Variants in ARHGEF3 observed in about 807,000 individuals in gnomAD.
The protein encoded by ARHGEF3 is Rho guanine nucleotide exchange factor 3.
A neutral mutation model predicts 63.2 loss-of-function variants in ARHGEF3; 28 were observed. That is an observed-to-expected ratio of 0.44 (90% CI 0.33 to 0.61). The LOEUF is 0.61. Among genes scored for constraint, ARHGEF3 ranks in the 20% least tolerant of loss-of-function variants. ARHGEF3 has a pLI of 0.03. For synonymous variants in ARHGEF3, 266 were observed against 254.2 expected, an observed-to-expected ratio of 1.05 and a Z score of -0.44; for missense variants, 533 against 659.3, an observed-to-expected ratio of 0.81 and a Z score of 2.10.
In ARHGEF3 at chr3:56,755,150, C is replaced by T. The variant is rs1209881180; in HGVS notation, c.206G>A (p.Arg69His). 5 of 1,612,574 alleles carry T rather than the reference C, an allele frequency of 3.1e-6. No individual in the cohort carries two copies. The highest frequency in any genetic ancestry group is 4.2e-6 in the Non-Finnish European group (5 of 1,179,860). Reference sequence around the variant, plus strand: ...GCTCTCACTGCGGAAGCTAATGGAGCGCTAAACAATGAGAAAAACAAACCA... The same window carrying T: ...GCTCTCACTGCGGAAGCTAATGGAGTGCTAAACAATGAGAAAAACAAACCA... ...PLKRFSQTLQ[R>H]SISFRSESRP... Residue 69 changes from arginine (R) to histidine (H), a missense_variant and splice_region_variant, in exon 3 of 10, where the codon CGC (arginine) becomes CAC (histidine). By Grantham distance (29) the Arg-to-His change is conservative. Around this residue, in one of 4 missense-constraint regions of ARHGEF3, gnomAD observed 160 missense variants for 157.3 expected, o/e 1.02. Coordinates refer to ENST00000296315, the MANE Select transcript of ARHGEF3 (RefSeq NM_019555.3).
chr3:56,853,922 G>A (rs2039769971), intron 4 of ARHGEF3, among the ~76,000 whole-genome samples: 1 of 152,174 alleles, frequency 6.6e-6, no homozygotes, highest in South Asian at 2.1e-4. Flanking sequence ...TTGGCCAGGC[G>A]TAGTGGCTCA....
In ARHGEF3 at chr3:56,886,491, T is replaced by C. The variant is rs150647862; in HGVS notation, c.130-4137A>G. 8.3e-4 allele frequency among the ~76,000 whole-genome samples: 126 copies of C among 152,276 alleles called. 2 individuals are homozygous for C. The highest frequency in any genetic ancestry group is 3.1e-3 in the South Asian group (15 of 4,818). On this transcript the variant is annotated intron_variant, in intron 3 of 12. Coordinates refer to the ARHGEF3 transcript ENST00000338458. ...CTGGGATTTCTAGAATATTGGGGTG[T>C]TGACCTCATGCCAGTGATCTACAGA...
chr3:56,944,867 C>T (rs748207461), intron 3 of ARHGEF3, among the ~76,000 whole-genome samples: 25 of 152,064 alleles, frequency 1.6e-4, no homozygotes, highest in Non-Finnish European at 2.8e-4. Context: ...ATGTGAGCCA[C>T]CGCACTCAGC....
chr3:56,767,653 C>T (rs1361938140), intron 2 of ARHGEF3, among the ~76,000 whole-genome samples: 1 of 150,668 alleles, frequency 6.6e-6, no homozygotes, highest in Non-Finnish European at 1.5e-5. Context: ...GAGTATGTAC[C>T]AAAATATTAA....
chr3:57,073,755 A>G, intron 1 of ARHGEF3: 1 of 1,614,214 alleles, frequency 6.2e-7, no homozygotes, highest in East Asian at 2.2e-5. Flanking sequence ...CACCTGGGAA[A>G]TGAAGGCACT....
At chr3:56,986,700 G>A (rs1701553104) in intron 2 of ARHGEF3, among the ~76,000 whole-genome samples, 1 of 152,038 alleles carries the variant, frequency 6.6e-6, no homozygotes, top group South Asian at 2.1e-4. Context: ...CCAGATGGCT[G>A]GTCACCTCGA....
At position 56,750,077 on chromosome 3, in the gene ARHGEF3, TCCTG is replaced by T. The variant is rs556736562; in HGVS notation, c.612+975_612+978del. On this transcript the variant is annotated intron_variant, in intron 6 of 9. Transcript: ENST00000296315. ...CTCTAATATTAGCTGTTGTGGTACT[TCCTG>T]CCTATTTTTCTGGAATACTGTGAGC... 1.4e-4 allele frequency among the ~76,000 whole-genome samples: 21 copies of T among 152,330 alleles called. No individual in the cohort carries two copies. The South Asian group carries it at 3.9e-3, about 29-fold the overall frequency.
intron 6 of ARHGEF3, among the ~76,000 whole-genome samples, chr3:56,746,421 G>A (rs995115695): frequency 1.3e-5 from 2 of 152,188 alleles, no homozygotes; most frequent in Admixed American, 1.3e-4. Context: ...TTGATGGTTT[G>A]TGAACCTTGC....
intron 4 of ARHGEF3, among the ~76,000 whole-genome samples, chr3:56,834,686 G>A (rs1259747054): frequency 2.0e-5 from 3 of 150,894 alleles, no homozygotes; most frequent in South Asian, 2.1e-4. Flanking sequence ...CCCGGGAAGC[G>A]GTGAGCTGAG....
intron 3 of ARHGEF3, among the ~76,000 whole-genome samples, chr3:56,949,331 A>T (rs1327436203): frequency 6.6e-6 from 1 of 151,958 alleles, no homozygotes; most frequent in African/African-American, 2.4e-5. Context: ...GAAAAGAGGA[A>T]GTCAAATTGT....
At chr3:56,732,555 T>C in intron 8 of ARHGEF3, 131 bp from the exon 9 acceptor site, 1 of 1,070,950 alleles carries the variant, frequency 9.3e-7, no homozygotes, top group Non-Finnish European at 1.4e-6. Context: ...GGTTCAAATC[T>C]ACCTCCAGGA....
rs1560155864 is a variant in ARHGEF3, at chr3:57,042,667, TATATATATATATATATATA to T, written c.-27-7510_-27-7492del. 1.6e-3 allele frequency among the ~76,000 whole-genome samples: 21 copies of T among 12,798 alleles called. 1 individual carries two copies. In the East Asian group the frequency reaches 0.021, roughly 13 times the overall value. The allele number at this position is 12,798 out of a possible 152,430, so 8.4% of individuals were successfully genotyped here. A position where few individuals can be genotyped will look rare whatever the true frequency, so the allele number is the denominator to read the frequency against. ...ATGTACATAAATATATATATATATA[TATATATATATATATATATA>T]TATATATATATATATTTTTTTTTTT... On this transcript the variant is annotated intron_variant, in intron 1 of 12. Coordinates refer to the ARHGEF3 transcript ENST00000338458.
intron 3 of ARHGEF3, among the ~76,000 whole-genome samples, chr3:56,883,068 G>A (rs2040821910): frequency 6.6e-6 from 1 of 152,162 alleles, no homozygotes; most frequent in African/African-American, 2.4e-5. Context: ...ATTTTTAGAG[G>A]TGCTTTGTAC....
At chr3:56,784,288 A>T (rs1021510030) in intron 1 of ARHGEF3, among the ~76,000 whole-genome samples, 15 of 152,228 alleles carry the variant, frequency 9.9e-5, no homozygotes, top group African/African-American at 3.4e-4. Context: ...GTTTTCTCAC[A>T]TCAGGTTATG....
At chr3:56,784,770 T>C (rs1011393069) in intron 1 of ARHGEF3, among the ~76,000 whole-genome samples, 3 of 152,044 alleles carry the variant, frequency 2.0e-5, no homozygotes, top group African/African-American at 7.3e-5. Flanking sequence ...AAAGAGTGCA[T>C]TGATTCTTTG....
chr3:56,989,274 A>G (rs982115963), intron 2 of ARHGEF3, among the ~76,000 whole-genome samples: 1 of 151,690 alleles, frequency 6.6e-6, no homozygotes, highest in African/African-American at 2.4e-5. Context: ...GGAGCATTTT[A>G]TTCCACTCCT....
intron 2 of ARHGEF3, among the ~76,000 whole-genome samples, chr3:56,770,937 C>G (rs149483827): frequency 0.01 from 1,547 of 152,148 alleles, 28 homozygotes; most frequent in African/African-American, 0.035. Context: ...CATGGAGAAA[C>G]ACCATCTCTA....
chr3:56,842,034 A>T (rs1236594112), intron 4 of ARHGEF3, among the ~76,000 whole-genome samples: 1 of 152,196 alleles, frequency 6.6e-6, no homozygotes, highest in Non-Finnish European at 1.5e-5. Flanking sequence ...GAAAAATGCC[A>T]TATGAAGTAG....
chr3:57,066,971 T>A (rs1175329887), intron 1 of ARHGEF3, among the ~76,000 whole-genome samples: 1 of 152,286 alleles, frequency 6.6e-6, no homozygotes. Context: ...AATAGATAGA[T>A]GAGCGATTGA....
Sources: allele counts gnomAD v4.1 joint callset (sites outside exome capture counted in the v4.1 genomes callset), GRCh38; gene constraint gnomAD v4.1.1; regional missense constraint gnomAD v4.1.1; transcripts MANE v1.5; gene names NCBI Gene and HGNC (gene_info 2026-07-23, HGNC 2026-07-21).